Variants in SHISA9 observed in about 807,000 individuals in gnomAD.
SHISA9 encodes protein shisa-9.
SHISA9 carries 13 observed loss-of-function variants against 38.0 expected under a neutral mutation model. The ratio of observed to expected loss-of-function variants is 0.34; its 90% CI spans 0.22 to 0.54. The LOEUF (loss-of-function observed/expected upper bound fraction) is 0.54, where lower values mean the gene tolerates loss of function less well. Among genes scored for constraint, SHISA9 ranks in the 20% least tolerant of loss-of-function variants. SHISA9 has a pLI of 0.91. For synonymous variants in SHISA9, 275 were observed against 242.0 expected, an observed-to-expected ratio of 1.14 and a Z score of -1.27; for missense variants, 538 against 575.8, an observed-to-expected ratio of 0.93 and a Z score of 0.67.
chr16:13,339,730 G>T, the SHISA9 span, among the ~76,000 whole-genome samples: 56 of 152,246 alleles, frequency 3.7e-4, no homozygotes, highest in East Asian at 0.011. Flanking sequence ...GCTGAGGTTC[G>T]AGTTAAAGGC....
At chr16:12,957,066 A>G (rs528317567) in intron 2 of SHISA9, among the ~76,000 whole-genome samples, 2 of 152,232 alleles carry the variant, frequency 1.3e-5, no homozygotes, top group South Asian at 2.1e-4. Flanking sequence ...GAGAGTATTC[A>G]TCTACTCTCT....
chr16:12,936,983 T>C (rs145650197), intron 2 of SHISA9, among the ~76,000 whole-genome samples: 1 of 152,288 alleles, frequency 6.6e-6, no homozygotes, highest in Non-Finnish European at 1.5e-5. Context: ...TCTTTTAAGA[T>C]CACTATTGTA....
chr16:13,490,922 A>G, the SHISA9 span, among the ~76,000 whole-genome samples: 1 of 152,318 alleles, frequency 6.6e-6, no homozygotes, highest in East Asian at 1.9e-4. Context: ...CTTTAATTAT[A>G]AAGGCCCTTT....
At chr16:13,128,434 G>T (rs962533289) in intron 2 of SHISA9, among the ~76,000 whole-genome samples, 1 of 152,098 alleles carries the variant, frequency 6.6e-6, no homozygotes, top group Non-Finnish European at 1.5e-5. Context: ...CAGCTAGGAG[G>T]CTCCATTGGC....
the SHISA9 span, among the ~76,000 whole-genome samples, chr16:13,532,549 G>GTGTA: frequency 1.1e-5 from 1 of 88,430 alleles, no homozygotes; most frequent in Non-Finnish European, 2.3e-5. Flanking sequence ...TACTATGTGC[G>GTGTA]TGTGTGTATG....
At chr16:13,137,849 A>G (rs1436675648) in intron 2 of SHISA9, among the ~76,000 whole-genome samples, 2 of 151,962 alleles carry the variant, frequency 1.3e-5, no homozygotes, top group African/African-American at 2.4e-5. Flanking sequence ...TCCTCTTCCT[A>G]TGGCTTTGTC....
intron 2 of SHISA9, among the ~76,000 whole-genome samples, chr16:13,172,836 G>A (rs114435670): frequency 0.01 from 1,537 of 150,876 alleles, 27 homozygotes; most frequent in African/African-American, 0.035. Flanking sequence ...GTGATGAAGT[G>A]GAAATATTTT....
At chr16:12,935,854 G>GAAA (rs11428944) in intron 2 of SHISA9, among the ~76,000 whole-genome samples, 16 of 135,098 alleles carry the variant, frequency 1.2e-4, no homozygotes, top group Admixed American at 2.3e-4. Context: ...GTCTCAAAAA[G>GAAA]AAAAAAAAAA....
chr16:12,970,567 A>AAGG lies in SHISA9; in HGVS notation c.691+53752_691+53753insAGG, dbSNP rs1254710986. Among the ~76,000 whole-genome samples the AAGG allele has an allele frequency of 1.2e-4, 14 of 117,046 alleles. No individual in the cohort carries two copies. In the East Asian group the frequency reaches 2.9e-3, roughly 24 times the overall value. The allele number at this position is 117,046 out of a possible 152,430, so 76.8% of individuals were successfully genotyped here. A position where few individuals can be genotyped will look rare whatever the true frequency, so the allele number is the denominator to read the frequency against. On this transcript the variant is annotated intron_variant, in intron 2 of 4. Coordinates refer to ENST00000558583, the MANE Select transcript of SHISA9 (RefSeq NM_001145204.3). ...ACTCTGTTGCCCAGGCTGGACTGCAATGGTGCAATCTCAGCTCACTGCAAC... is the reference window on the plus strand; with the variant it reads ...ACTCTGTTGCCCAGGCTGGACTGCAAAGGTGGTGCAATCTCAGCTCACTGCAAC...
At chr16:12,948,011 G>T (rs989244795) in intron 2 of SHISA9, among the ~76,000 whole-genome samples, 3 of 152,156 alleles carry the variant, frequency 2.0e-5, no homozygotes, top group Non-Finnish European at 4.4e-5. Flanking sequence ...CATAGCCTTT[G>T]GGGCTAGGTA....
chr16:13,160,453 T>C (rs2050585255), intron 2 of SHISA9, among the ~76,000 whole-genome samples: 1 of 152,194 alleles, frequency 6.6e-6, no homozygotes, highest in African/African-American at 2.4e-5. Flanking sequence ...CCTCCAGTAA[T>C]ATATCACACT....
chr16:13,113,928 A>G (rs981635408), intron 2 of SHISA9, among the ~76,000 whole-genome samples: 5 of 152,148 alleles, frequency 3.3e-5, no homozygotes, highest in Admixed American at 3.3e-4. Flanking sequence ...CTGTCACTCC[A>G]TTATTCATTT....
chr16:13,133,940 A>G (rs2050326158), intron 2 of SHISA9, among the ~76,000 whole-genome samples: 1 of 152,222 alleles, frequency 6.6e-6, no homozygotes, highest in African/African-American at 2.4e-5. Flanking sequence ...AAAGCAGATA[A>G]AATCTTAGTG....
At chr16:13,368,605 G>A in the SHISA9 span, among the ~76,000 whole-genome samples, 1 of 151,976 alleles carries the variant, frequency 6.6e-6, no homozygotes, top group Non-Finnish European at 1.5e-5. Flanking sequence ...TCCAGCTGAT[G>A]GTAAAATGAT....
chr16:13,306,557 G>A, the SHISA9 span, among the ~76,000 whole-genome samples: 3 of 152,166 alleles, frequency 2.0e-5, no homozygotes, highest in African/African-American at 7.2e-5. Context: ...CTCTGAAGTT[G>A]CCATCAAGAT....
Position 13,049,353 on chromosome 16 carries a change from G to A in SHISA9, c.691+132538G>A, listed in dbSNP as rs559817140. On this transcript the variant is annotated intron_variant, in intron 2 of 4. Coordinates refer to ENST00000558583, the MANE Select transcript of SHISA9 (RefSeq NM_001145204.3). ...AAAATAATCAGGTTGACCAGATGAC[G>A]TAGGATTCATTGTAAGATTGTCTAT... 7.9e-5 allele frequency among the ~76,000 whole-genome samples: 12 copies of A among 152,276 alleles called. No individual in the cohort carries two copies. The South Asian group carries it at 1.9e-3, about 24-fold the overall frequency.
the SHISA9 span, among the ~76,000 whole-genome samples, chr16:13,416,429 GTTTAACCATCATATGTCAT>G: frequency 6.6e-6 from 1 of 152,176 alleles, no homozygotes; most frequent in Non-Finnish European, 1.5e-5. Context: ...CCCACCTCCA[GTTTAACCATCATATGTCAT>G]TTTAACCATC....
the SHISA9 span, among the ~76,000 whole-genome samples, chr16:13,456,678 C>G: frequency 6.6e-6 from 1 of 152,152 alleles, no homozygotes; most frequent in African/African-American, 2.4e-5. Context: ...AGGCTTTAGG[C>G]CATACGTTAT....
chr16:12,975,471 C>G (rs1355969700), intron 2 of SHISA9, among the ~76,000 whole-genome samples: 1 of 151,968 alleles, frequency 6.6e-6, no homozygotes, highest in East Asian at 1.9e-4. Flanking sequence ...CCACTGCACT[C>G]CAGCCCGGGC....
Sources: allele counts gnomAD v4.1 joint callset (sites outside exome capture counted in the v4.1 genomes callset), GRCh38; gene constraint gnomAD v4.1.1; transcripts MANE v1.5; gene names NCBI Gene and HGNC (gene_info 2026-07-23, HGNC 2026-07-21).